DLGAP2: variants seen among roughly 807,000 people sequenced by gnomAD.
The protein encoded by DLGAP2 is disks large-associated protein 2.
Under a neutral mutation model 100.3 loss-of-function variants are expected in DLGAP2, and 26 were observed. The ratio of observed to expected loss-of-function variants is 0.26; its 90% CI spans 0.19 to 0.36. The LOEUF (loss-of-function observed/expected upper bound fraction) is 0.36, where lower values mean the gene tolerates loss of function less well. Among genes scored for constraint, DLGAP2 ranks in the 10% least tolerant of loss-of-function variants. The pLI, the probability that DLGAP2 is intolerant of heterozygous loss-of-function variation, is 1.00. For synonymous variants in DLGAP2, 886 were observed against 630.1 expected (o/e 1.41, Z -6.08); for missense variants, 1,858 against 1,453.2 (o/e 1.28, Z -4.53).
At chr8:1,541,039 G>A (rs1230819386) in intron 4 of DLGAP2, among the ~76,000 whole-genome samples, 6 of 152,096 alleles carry the variant, frequency 3.9e-5, no homozygotes, top group South Asian at 2.1e-4. Context: ...GATTTTCTAC[G>A]GAGCCCTTCC....
rs371156555 is a variant in DLGAP2, at chr8:1,467,123, G to A, written c.107-34243G>A. The stretch of plus-strand genomic sequence containing the variant: ...ATCCAGCCAGAGGGAGGGAGGGTCC[G>A]GCAGGGGCCTGGGAGGGTCAGTCCC... On this transcript the variant is annotated intron_variant, in intron 3 of 14. Coordinates refer to ENST00000637795, the MANE Select transcript of DLGAP2 (RefSeq NM_001346810.2). Among the ~76,000 whole-genome samples the A allele has an allele frequency of 5.3e-5, 8 of 151,644 alleles. No individual in the cohort carries two copies. The South Asian group carries it at 6.3e-4, about 12-fold the overall frequency.
At chr8:1,660,201 T>G (rs992182383) in intron 8 of DLGAP2, among the ~76,000 whole-genome samples, 2 of 152,222 alleles carry the variant, frequency 1.3e-5, no homozygotes, top group Admixed American at 1.3e-4. Flanking sequence ...GGATTTCTAC[T>G]GAGAGATCTG....
intron 8 of DLGAP2, among the ~76,000 whole-genome samples, chr8:1,664,544 G>A (rs578194543): frequency 4.6e-5 from 7 of 152,262 alleles, no homozygotes; most frequent in South Asian, 2.1e-4. Context: ...TTACAATGTT[G>A]TATCCACCAG....
intron 2 of DLGAP2, among the ~76,000 whole-genome samples, chr8:1,200,296 G>C (rs1797842794): frequency 6.6e-6 from 1 of 152,152 alleles, no homozygotes; most frequent in African/African-American, 2.4e-5. Flanking sequence ...TCTTGCTCCG[G>C]GGTCCTGCGT....
At chr8:866,195 C>G (rs766978536) in intron 1 of DLGAP2, among the ~76,000 whole-genome samples, 1 of 152,170 alleles carries the variant, frequency 6.6e-6, no homozygotes, top group African/African-American at 2.4e-5. Context: ...AGCACCCTGA[C>G]ACCCCGCGCC....
chr8:1,507,344 G>C (rs960067522), intron 4 of DLGAP2, among the ~76,000 whole-genome samples: 1 of 152,210 alleles, frequency 6.6e-6, no homozygotes, highest in African/African-American at 2.4e-5. Context: ...GTGCAGCGCC[G>C]GTGGGCCAGC....
intron 3 of DLGAP2, among the ~76,000 whole-genome samples, chr8:1,469,770 T>G (rs61059169): frequency 0.025 from 3,791 of 152,212 alleles, 129 homozygotes; most frequent in African/African-American, 0.086. Flanking sequence ...CTCCTTGAAG[T>G]GCTGCCATTG....
chr8:1,627,305 C>A (rs889092761), intron 7 of DLGAP2, among the ~76,000 whole-genome samples: 11 of 152,294 alleles, frequency 7.2e-5, no homozygotes, highest in African/African-American at 2.6e-4. Flanking sequence ...AGCCTGGTGT[C>A]GCTCACAGAG....
chr8:1,295,876 G>A (rs532731583), intron 3 of DLGAP2, among the ~76,000 whole-genome samples: 6 of 152,258 alleles, frequency 3.9e-5, no homozygotes, highest in South Asian at 2.1e-4. Context: ...CCTGGGAATT[G>A]GAAACGATTT....
At chr8:1,098,880 C>A (rs1272826761) in intron 2 of DLGAP2, among the ~76,000 whole-genome samples, 1 of 152,152 alleles carries the variant, frequency 6.6e-6, no homozygotes, top group East Asian at 1.9e-4. Context: ...TTCGTCCTCA[C>A]TTGCTTTGAA....
intron 4 of DLGAP2, among the ~76,000 whole-genome samples, chr8:1,513,789 C>A (rs910365318): frequency 1.3e-5 from 2 of 152,194 alleles, no homozygotes; most frequent in African/African-American, 4.8e-5. Context: ...ACCCTTCCCC[C>A]AGTTTCACCC....
At chr8:1,262,029 C>A (rs768696908) in intron 3 of DLGAP2, among the ~76,000 whole-genome samples, 1 of 152,118 alleles carries the variant, frequency 6.6e-6, no homozygotes, top group Non-Finnish European at 1.5e-5. Flanking sequence ...AACAGCCTTC[C>A]CTGGCTAAGC....
At chr8:1,070,329 G>C (rs183320885) in intron 2 of DLGAP2, among the ~76,000 whole-genome samples, 1 of 152,156 alleles carries the variant, frequency 6.6e-6, no homozygotes, top group African/African-American at 2.4e-5. Context: ...CCTGTGTCCC[G>C]GGTGCCTGGT....
rs748686315 is a variant in DLGAP2, at chr8:1,656,309, C to CA, written c.1811-12006dup. ...TGGGTGACAGGGCAAGACTCTGTCT[C>CA]AAAAAAAAAAAAAAGTTTGAGCCAT... On this transcript the variant is annotated intron_variant, in intron 8 of 14. Coordinates refer to ENST00000637795, the MANE Select transcript of DLGAP2 (RefSeq NM_001346810.2). Among the ~76,000 whole-genome samples the CA allele has an allele frequency of 9.7e-3, 1,271 of 130,538 alleles. 10 individuals are homozygous for CA. Among genetic ancestry groups the CA allele is most frequent in the Non-Finnish European group, 0.016 (980 of 60,450 alleles). 85.6% of individuals were successfully genotyped at this position (130,538 alleles called of 152,430 possible).
intron 6 of DLGAP2, among the ~76,000 whole-genome samples, chr8:1,612,420 C>T (rs1797010004): frequency 7.5e-6 from 1 of 133,086 alleles, no homozygotes; most frequent in African/African-American, 2.8e-5. Context: ...AAACGTTAGA[C>T]CTAAAACCAT....
intron 2 of DLGAP2, among the ~76,000 whole-genome samples, chr8:985,143 C>T (rs1348708196): frequency 1.3e-5 from 2 of 152,182 alleles, no homozygotes; most frequent in African/African-American, 2.4e-5. Context: ...TTTCCAAGGT[C>T]CCTGGCTGAG....
At chr8:1,670,982 G>A (rs1798676746) in intron 10 of DLGAP2, among the ~76,000 whole-genome samples, 1 of 152,214 alleles carries the variant, frequency 6.6e-6, no homozygotes, top group South Asian at 2.1e-4. Context: ...ACAAGAGTGA[G>A]CAGGCTGTGG....
At chr8:1,202,945 C>T (rs1004501006) in intron 2 of DLGAP2, among the ~76,000 whole-genome samples, 2 of 152,216 alleles carry the variant, frequency 1.3e-5, no homozygotes, top group African/African-American at 4.8e-5. Context: ...CACATGCGCT[C>T]CCGAGAAGCT....
chr8:1,011,627 T>G, intron 2 of DLGAP2, among the ~76,000 whole-genome samples: 1 of 144,918 alleles, frequency 6.9e-6, no homozygotes, highest in African/African-American at 2.6e-5. Flanking sequence ...CAGTGGGCCC[T>G]GGAATGAGGG....
Sources: allele counts gnomAD v4.1 joint callset (sites outside exome capture counted in the v4.1 genomes callset), GRCh38; gene constraint gnomAD v4.1.1; transcripts MANE v1.5; gene names NCBI Gene and HGNC (gene_info 2026-07-23, HGNC 2026-07-21).